Variants in SFSWAP observed in about 807,000 individuals in gnomAD.
The protein encoded by SFSWAP is splicing factor SWAP.
A neutral mutation model predicts 100.7 loss-of-function variants in SFSWAP; 17 were observed. That is an observed-to-expected ratio of 0.17 (90% CI 0.12 to 0.25). The LOEUF is 0.25. Among genes scored for constraint, SFSWAP ranks in the 10% least tolerant of loss-of-function variants. The pLI is 1.00. For synonymous variants in SFSWAP, 504 were observed against 510.1 expected (o/e 0.99, Z 0.16); for missense variants, 1,005 against 1,262.6 (o/e 0.80, Z 3.09).
intron 7 of SFSWAP, among the ~76,000 whole-genome samples, chr12:131,749,070 G>C (rs1593144619): frequency 6.6e-6 from 1 of 152,198 alleles, no homozygotes; most frequent in Non-Finnish European, 1.5e-5. Flanking sequence ...AAATGCTTGA[G>C]ATACTAAAAA....
chr12:131,759,812 AAAAG>A (rs1882501180), intron 11 of SFSWAP, among the ~76,000 whole-genome samples: 1 of 152,056 alleles, frequency 6.6e-6, no homozygotes, highest in Non-Finnish European at 1.5e-5. Flanking sequence ...AAAAAAAAAA[AAAAG>A]AAAAAAGAAA....
At chr12:131,793,536 A>G (rs938325186) in intron 15 of SFSWAP, among the ~76,000 whole-genome samples, 2 of 152,194 alleles carry the variant, frequency 1.3e-5, no homozygotes, top group Non-Finnish European at 2.9e-5. Context: ...AACACAGAAT[A>G]TGTTCATGAA....
intron 1 of SFSWAP, chr12:131,713,072 C>T (rs1877534387): frequency 6.6e-6 from 1 of 152,086 alleles, no homozygotes; most frequent in African/African-American, 2.4e-5. Flanking sequence ...CTGTAAATGT[C>T]TTTTTTGGTC....
rs752728726 is a variant in SFSWAP at position 131,728,450 on chromosome 12, C to T, written c.1081+22C>T. On this transcript the variant is annotated intron_variant, in intron 7 of 17. Coordinates refer to ENST00000261674, the MANE Select transcript of SFSWAP (RefSeq NM_004592.4). ...GACTGTGAGTACTCACTGTGTATGT[C>T]CTGACCTGTGTTCAGCTGCCTGTGA... The T allele has an allele frequency of 4.4e-6, 7 of 1,608,130 alleles. No homozygotes were observed. In the Admixed American group the frequency reaches 1.2e-4, roughly 27 times the overall value.
chr12:131,774,274 T>G (rs1465699183), intron 13 of SFSWAP, among the ~76,000 whole-genome samples: 1 of 152,198 alleles, frequency 6.6e-6, no homozygotes, highest in African/African-American at 2.4e-5. Flanking sequence ...CCTTCACAAA[T>G]AAGATTTCTT....
Position 131,714,289 on chromosome 12 carries a change from T to A in SFSWAP, c.388+49T>A, listed in dbSNP as rs774086519. 21 of 1,499,454 alleles carry A rather than the reference T, an allele frequency of 1.4e-5. No individual in the cohort carries two copies. In the Admixed American group the frequency reaches 4.4e-4, roughly 31 times the overall value. The allele number at this position is 1,499,454 out of a possible 1,614,324, so 92.9% of individuals were successfully genotyped here. ...TCAGCAACAAACTTTTTAAAATTTT[T>A]AAGTATTTAAAAATTTACTCCCATT... On this transcript the variant is annotated intron_variant, in intron 2 of 17. Coordinates refer to ENST00000261674, the MANE Select transcript of SFSWAP (RefSeq NM_004592.4). This position sits in a 1 kb window ranked among gnomAD's most constrained non-coding sequence, Gnocchi z 6.0.
intron 7 of SFSWAP, among the ~76,000 whole-genome samples, chr12:131,741,036 G>A (rs555321579): frequency 1.6e-5 from 2 of 123,038 alleles, no homozygotes; most frequent in Non-Finnish European, 3.2e-5. Flanking sequence ...GCAGTGGCAC[G>A]ATCTCAGCTT....
chr12:131,764,733 A>G, intron 12 of SFSWAP, 47 bp downstream of exon 12: 1 of 1,380,894 alleles, frequency 7.2e-7, no homozygotes, highest in Non-Finnish European at 1.0e-6. Context: ...AAATACACAA[A>G]TATAAGATTT....
chr12:131,798,716 C>T (rs990707886), intron 16 of SFSWAP, among the ~76,000 whole-genome samples: 12 of 152,052 alleles, frequency 7.9e-5, no homozygotes, highest in African/African-American at 2.9e-4. Flanking sequence ...ATGGTGAAAC[C>T]CCGTCCCTAC....
chr12:131,711,604 G>C lies in SFSWAP; in HGVS notation c.218+157G>C. The C allele has an allele frequency of 1.6e-6, 1 of 636,010 alleles. No individual in the cohort carries two copies. The highest frequency in any genetic ancestry group is 1.9e-5 in the South Asian group (1 of 52,526). The allele number at this position is 636,010 out of a possible 1,614,324, so 39.4% of individuals were successfully genotyped here. On this transcript the variant is annotated intron_variant, in intron 1 of 17. Coordinates refer to ENST00000261674, the MANE Select transcript of SFSWAP (RefSeq NM_004592.4). The surrounding 1 kb of genome is among the most constrained non-coding windows in gnomAD (Gnocchi z 4.9). Reference sequence around the variant, plus strand: ...TGTCCCCACCTCCTCCTGGTGTTCTGGTGGGGAGGGGGACGGTGAAACCTG... The same window carrying C: ...TGTCCCCACCTCCTCCTGGTGTTCTCGTGGGGAGGGGGACGGTGAAACCTG...
rs1231783397 is a variant in SFSWAP at position 131,799,551 on chromosome 12, G to A, written c.*63G>A. 41 of 1,424,372 alleles carry A rather than the reference G, an allele frequency of 2.9e-5. 1 individual carries two copies. Among genetic ancestry groups the A allele is most frequent in the South Asian group, 1.3e-4 (11 of 84,594 alleles). The allele number at this position is 1,424,372 out of a possible 1,614,324, so 88.2% of individuals were successfully genotyped here. A position where few individuals can be genotyped will look rare whatever the true frequency, so the allele number is the denominator to read the frequency against. Reference sequence around the variant, plus strand: ...GGCTTCTGGGCAGGCTCACGCAGACGCCGGCCACACCATCCACCTGGCCGC... The same window carrying A: ...GGCTTCTGGGCAGGCTCACGCAGACACCGGCCACACCATCCACCTGGCCGC... On this transcript the variant is annotated 3_prime_UTR_variant, in exon 18 of 18. Transcript: ENST00000261674.
At chr12:131,797,130 T>A in intron 15 of SFSWAP, 48 bp from the exon 16 acceptor site, 1 of 1,553,254 alleles carries the variant, frequency 6.4e-7, no homozygotes, top group Non-Finnish European at 8.7e-7. Flanking sequence ...CTTTGTGCCC[T>A]GCCTTTAAAC....
rs1298948153 is a variant in SFSWAP at position 131,727,026 on chromosome 12, T to A, written c.919T>A (p.Cys307Ser). Residue 307 changes from cysteine to serine, a missense_variant, in exon 6 of 18, where the codon TGT (cysteine) becomes AGT (serine). Cys to Ser is a moderately radical substitution (Grantham distance 112). Coordinates refer to ENST00000261674, the MANE Select transcript of SFSWAP (RefSeq NM_004592.4). ...TCCCTCTCTCTTTGCCTCCAAGAAG[T>A]GTAACCGCCTTGAAGAGCTGATGAA... Reference protein sequence around the residue: ...LHPSLFASKKCNRLEELMKPL... With the variant: ...LHPSLFASKKSNRLEELMKPL... 6.3e-7 allele frequency: 1 copy of A among 1,598,432 alleles called. No homozygotes were observed. Among genetic ancestry groups the A allele is most frequent in the Non-Finnish European group, 8.6e-7 (1 of 1,169,320 alleles).
chr12:131,719,334 T>G, intron 3 of SFSWAP, 120 bp from the exon 4 acceptor site: 2 of 699,692 alleles, frequency 2.9e-6, no homozygotes, highest in South Asian at 1.7e-5. Context: ...CTTCTAGGAG[T>G]AACAACAGAA....
At chr12:131,729,074 A>T (rs1422655899) in intron 7 of SFSWAP, among the ~76,000 whole-genome samples, 1 of 152,124 alleles carries the variant, frequency 6.6e-6, no homozygotes, top group Non-Finnish European at 1.5e-5. Context: ...GTGTCCTGTC[A>T]CATGGTCTCC....
At chr12:131,738,885 CTTTTTT>C (rs71072785) in intron 7 of SFSWAP, among the ~76,000 whole-genome samples, 588 of 48,758 alleles carry the variant, frequency 0.012, 16 homozygotes, top group Middle Eastern at 0.023. Flanking sequence ...GAACATTATT[CTTTTTT>C]TTTTTTTTTT....
intron 13 of SFSWAP, among the ~76,000 whole-genome samples, chr12:131,776,288 G>A (rs1045556705): frequency 6.6e-6 from 1 of 152,130 alleles, no homozygotes; most frequent in Non-Finnish European, 1.5e-5. Context: ...GCGGCCATCA[G>A]ATCCCAAGGA....
intron 5 of SFSWAP, among the ~76,000 whole-genome samples, chr12:131,726,010 ATTAT>A (rs1266804201): frequency 6.6e-6 from 1 of 152,160 alleles, no homozygotes; most frequent in African/African-American, 2.4e-5. Context: ...GTATAGCTCA[ATTAT>A]ACATGGCCAC....
intron 7 of SFSWAP, among the ~76,000 whole-genome samples, chr12:131,738,882 A>ATTTTTTTTTT (rs1555243205): frequency 5.0e-5 from 2 of 40,220 alleles, no homozygotes; most frequent in Non-Finnish European, 7.6e-5. Flanking sequence ...AATGAACATT[A>ATTTTTTTTTT]TTCTTTTTTT....
Sources: gnomAD v4.1 joint callset for allele counts (sites outside exome capture counted in the v4.1 genomes callset) on GRCh38, gnomAD v4.1.1 for gene constraint, Gnocchi (gnomAD v3.1) non-coding constraint, MANE v1.5 for transcripts, NCBI Gene and HGNC (gene_info 2026-07-23, HGNC 2026-07-21) for gene names.